CACNA1E: variants seen among roughly 807,000 people sequenced by gnomAD.
CACNA1E encodes the protein voltage-dependent R-type calcium channel subunit alpha-1E.
A neutral mutation model predicts 259.2 loss-of-function variants in CACNA1E; 40 were observed. The ratio of observed to expected loss-of-function variants is 0.15; its 90% CI spans 0.12 to 0.20. CACNA1E has a LOEUF of 0.20. Ranked by LOEUF, CACNA1E falls within the 10% of genes least tolerant of loss-of-function variation. The pLI, the probability that CACNA1E is intolerant of heterozygous loss-of-function variation, is 1.00. For synonymous variants in CACNA1E, 1,104 were observed against 1,138.5 expected (o/e 0.97, Z 0.61); for missense variants, 1,874 against 3,040.1 (o/e 0.62, Z 9.02).
At chr1:181,355,340 C>A (rs1653342464) in intron 1 of CACNA1E, among the ~76,000 whole-genome samples, 1 of 152,190 alleles carries the variant, frequency 6.6e-6, no homozygotes, top group Non-Finnish European at 1.5e-5. Flanking sequence ...GTAATCTCAG[C>A]ACTTTGGGAG....
chr1:181,745,420 G>A (rs1656986225), intron 25 of CACNA1E: 6 of 464,358 alleles, frequency 1.3e-5, no homozygotes, highest in Non-Finnish European at 4.1e-6. Context: ...CAAGCAAAAT[G>A]AAATGATCCA....
rs1658260486 is a variant in CACNA1E, at chr1:181,758,228, T to G, written c.4494+117T>G. 1 of 936,548 alleles carries G rather than the reference T, an allele frequency of 1.1e-6. No individual in the cohort carries two copies. Among genetic ancestry groups the G allele is most frequent in the Admixed American group, 2.5e-5 (1 of 39,232 alleles). The allele number at this position is 936,548 out of a possible 1,614,324, so 58.0% of individuals were successfully genotyped here. A position where few individuals can be genotyped will look rare whatever the true frequency, so the allele number is the denominator to read the frequency against. ...ACTGCTTTACCTACTTTTCCATCATTGAATCCTTTTGTGATCTTATTTTGT... is the reference window on the plus strand; with the variant it reads ...ACTGCTTTACCTACTTTTCCATCATGGAATCCTTTTGTGATCTTATTTTGT... On this transcript the variant is annotated intron_variant, in intron 31 of 47. Transcript: ENST00000367573. The surrounding 1 kb of genome is among the most constrained non-coding windows in gnomAD (Gnocchi z 4.2).
At chr1:181,415,674 C>A (rs1658214921) in intron 2 of CACNA1E, among the ~76,000 whole-genome samples, 1 of 152,138 alleles carries the variant, frequency 6.6e-6, no homozygotes. Context: ...GGAGTAGTTT[C>A]CACAGGGCGA....
chr1:181,786,685 T>C (rs898384567), intron 43 of CACNA1E, among the ~76,000 whole-genome samples: 2 of 152,244 alleles, frequency 1.3e-5, no homozygotes, highest in African/African-American at 2.4e-5. Flanking sequence ...ACACAAGTAT[T>C]TCTACTCAAT....
intron 3 of CACNA1E, among the ~76,000 whole-genome samples, chr1:181,566,113 G>T (rs1649801079): frequency 6.6e-6 from 1 of 152,160 alleles, no homozygotes; most frequent in African/African-American, 2.4e-5. Context: ...GGCAACTCTG[G>T]TTGTCCTAGA....
At chr1:181,348,632 T>A (rs1456627694) in intron 1 of CACNA1E, among the ~76,000 whole-genome samples, 1 of 152,136 alleles carries the variant, frequency 6.6e-6, no homozygotes, top group East Asian at 1.9e-4. Context: ...CAGTGGTTTT[T>A]GTGCCTTTTA....
At chr1:181,323,367 A>G (rs992351922) in intron 1 of CACNA1E, among the ~76,000 whole-genome samples, 1 of 152,172 alleles carries the variant, frequency 6.6e-6, no homozygotes, top group Non-Finnish European at 1.5e-5. Context: ...CATACTAGCT[A>G]TATGACCACA....
chr1:181,557,646 C>T (rs535956232), intron 3 of CACNA1E, among the ~76,000 whole-genome samples: 70 of 152,158 alleles, frequency 4.6e-4, no homozygotes, highest in Non-Finnish European at 8.2e-4. Flanking sequence ...CTCCCTTGGC[C>T]CAGCATCTCT....
intron 1 of CACNA1E, among the ~76,000 whole-genome samples, chr1:181,361,919 C>T (rs1653910794): frequency 6.6e-6 from 1 of 152,160 alleles, no homozygotes; most frequent in African/African-American, 2.4e-5. Context: ...GTTAAGTGTA[C>T]ATACTACTCA....
intron 3 of CACNA1E, among the ~76,000 whole-genome samples, chr1:181,548,206 C>A (rs1647729090): frequency 6.6e-6 from 1 of 150,802 alleles, no homozygotes; most frequent in Non-Finnish European, 1.5e-5. Context: ...CTCACCGCAA[C>A]CTCTGCCTCC....
At position 181,657,892 on chromosome 1, in the gene CACNA1E, G is replaced by A. The variant is rs187313552; in HGVS notation, c.1055+6451G>A. ...GTGTTTGTTGGCATTCTTTGTTCGT[G>A]CCCAAGCACTGCTAGACGTTACTGT... is the stretch of plus-strand genomic sequence containing the variant. On this transcript the variant is annotated intron_variant, in intron 7 of 47. Coordinates refer to ENST00000367573, the MANE Select transcript of CACNA1E (RefSeq NM_001205293.3). 6.3e-3 allele frequency among the ~76,000 whole-genome samples: 962 copies of A among 152,320 alleles called. 5 individuals are homozygous for A. The highest frequency in any genetic ancestry group is 0.011 in the Non-Finnish European group (728 of 68,024).
chr1:181,405,633 C>A (rs1173837987), intron 1 of CACNA1E, among the ~76,000 whole-genome samples: 1 of 152,172 alleles, frequency 6.6e-6, no homozygotes, highest in African/African-American at 2.4e-5. Flanking sequence ...TCCTCCGTAC[C>A]TGTTTACCTT....
chr1:181,487,959 T>C (rs1663991204), intron 1 of CACNA1E, among the ~76,000 whole-genome samples: 1 of 152,228 alleles, frequency 6.6e-6, no homozygotes, highest in African/African-American at 2.4e-5. Flanking sequence ...AGGTCAAATA[T>C]GTTTGCAGCC....
intron 7 of CACNA1E, among the ~76,000 whole-genome samples, chr1:181,689,322 T>G (rs565484713): frequency 2.6e-5 from 4 of 152,356 alleles, no homozygotes; most frequent in African/African-American, 9.6e-5. Context: ...CATCCTTTTT[T>G]GTGGCCACAT....
chr1:181,613,241 T>TA (rs1380025488), intron 6 of CACNA1E, among the ~76,000 whole-genome samples: 5 of 152,174 alleles, frequency 3.3e-5, no homozygotes, highest in Admixed American at 1.3e-4. Context: ...TATGTATACA[T>TA]TTAGCCTTTA....
intron 3 of CACNA1E, among the ~76,000 whole-genome samples, chr1:181,536,798 G>A (rs1668202775): frequency 6.6e-6 from 1 of 152,100 alleles, no homozygotes; most frequent in Non-Finnish European, 1.5e-5. Context: ...GCATGGAAAG[G>A]CATGAGAGCA....
chr1:181,512,031 A>T (rs1666213453), intron 3 of CACNA1E, among the ~76,000 whole-genome samples: 1 of 152,266 alleles, frequency 6.6e-6, no homozygotes, highest in Non-Finnish European at 1.5e-5. Flanking sequence ...AATAGTATAA[A>T]ATCGAATCAT....
intron 43 of CACNA1E, among the ~76,000 whole-genome samples, chr1:181,787,750 C>T (rs1360390551): frequency 6.6e-5 from 10 of 152,108 alleles, no homozygotes; most frequent in Admixed American, 6.5e-4. Context: ...AGAGTCCTTC[C>T]TGAGGAAGTA....
chr1:181,511,657 G>T (rs1666178223), intron 3 of CACNA1E, 147 bp downstream of exon 3: 4 of 921,534 alleles, frequency 4.3e-6, no homozygotes, highest in Non-Finnish European at 6.7e-6. Context: ...ATTCCCCAGG[G>T]TGCTGGACCA....
Sources: gnomAD v4.1 joint callset for allele counts (sites outside exome capture counted in the v4.1 genomes callset) on GRCh38, gnomAD v4.1.1 for gene constraint, Gnocchi (gnomAD v3.1) non-coding constraint, MANE v1.5 for transcripts, NCBI Gene and HGNC (gene_info 2026-07-23, HGNC 2026-07-21) for gene names.